The following CNTN4 variants were observed in gnomAD, a reference collection of about 807,000 sequenced individuals.
CNTN4 encodes the protein contactin 4.
A neutral mutation model predicts 122.5 loss-of-function variants in CNTN4; 77 were observed. That is an observed-to-expected ratio of 0.63 (90% CI 0.52 to 0.76). The LOEUF (loss-of-function observed/expected upper bound fraction) is 0.76, where lower values mean the gene tolerates loss of function less well. Among genes scored for constraint, CNTN4 ranks in the 30% least tolerant of loss-of-function variants. The pLI is 0.00. For missense variants in CNTN4, 1,256 were observed against 1,259.1 expected (o/e 1.00, Z 0.04); for synonymous variants, 512 against 447.0 (o/e 1.15, Z -1.83).
intron 4 of CNTN4, among the ~76,000 whole-genome samples, chr3:2,639,081 G>A (rs752337845): frequency 3.9e-5 from 6 of 151,996 alleles, no homozygotes; most frequent in Non-Finnish European, 5.9e-5. Context: ...ACAGCTATCC[G>A]AGTGATTCTT....
rs578085366 is a variant in CNTN4, at chr3:2,551,531, A to G, written c.-88-19885A>G. On this transcript the variant is annotated intron_variant, in intron 3 of 24. Transcript: ENST00000418658. ...TTATGTTAGGATGGGAGTGAATGGA[A>G]TGATTTTCATCACCTTAATACTTTG... Among the ~76,000 whole-genome samples, 425 of 152,276 alleles carry G rather than the reference A, an allele frequency of 2.8e-3. 1 individual carries two copies. Among genetic ancestry groups the G allele is most frequent in the African/African-American group, 9.9e-3 (412 of 41,574 alleles).
At chr3:2,391,812 A>G (rs2046451408) in intron 3 of CNTN4, among the ~76,000 whole-genome samples, 1 of 152,176 alleles carries the variant, frequency 6.6e-6, no homozygotes. Context: ...TACCGTAGCT[A>G]GCTTTTTGAT....
chr3:2,606,241 A>ACTTG (rs1559296388), intron 4 of CNTN4, among the ~76,000 whole-genome samples: 1 of 152,188 alleles, frequency 6.6e-6, no homozygotes, highest in East Asian at 1.9e-4. Context: ...TTCCTTGGCA[A>ACTTG]TAAGAAGTTA....
At chr3:2,586,953 G>C (rs2080231050) in intron 4 of CNTN4, among the ~76,000 whole-genome samples, 1 of 151,934 alleles carries the variant, frequency 6.6e-6, no homozygotes, top group African/African-American at 2.4e-5. Flanking sequence ...TCCCTCCTTT[G>C]ATTTTTCAGT....
intron 4 of CNTN4, among the ~76,000 whole-genome samples, chr3:2,695,187 G>C (rs887722583): frequency 1.4e-4 from 21 of 152,042 alleles, no homozygotes; most frequent in African/African-American, 4.6e-4. Context: ...TTGTATATTT[G>C]GGCCCTTTGA....
At chr3:2,676,794 T>C (rs1191668555) in intron 4 of CNTN4, among the ~76,000 whole-genome samples, 2 of 152,194 alleles carry the variant, frequency 1.3e-5, no homozygotes, top group Non-Finnish European at 2.9e-5. Flanking sequence ...TTCAGAAACA[T>C]ATAAAAAGAC....
intron 6 of CNTN4, among the ~76,000 whole-genome samples, chr3:2,812,411 A>G (rs1221766175): frequency 6.6e-6 from 1 of 151,922 alleles, no homozygotes; most frequent in East Asian, 1.9e-4. Flanking sequence ...TATAGTGCGT[A>G]TATCTTAAAT....
At chr3:2,435,862 G>A (rs1017730951) in intron 3 of CNTN4, among the ~76,000 whole-genome samples, 2 of 152,246 alleles carry the variant, frequency 1.3e-5, no homozygotes, top group Admixed American at 1.3e-4. Flanking sequence ...CCCACAGAAC[G>A]TGGAGCACTA....
intron 2 of CNTN4, among the ~76,000 whole-genome samples, chr3:2,169,536 A>G (rs901798511): frequency 2.1e-5 from 3 of 144,210 alleles, no homozygotes; most frequent in Admixed American, 7.2e-5. Flanking sequence ...CCTCCCGAGT[A>G]GCTGGGACTA....
chr3:2,817,216 G>A (rs186108097), intron 6 of CNTN4, among the ~76,000 whole-genome samples: 10 of 152,160 alleles, frequency 6.6e-5, no homozygotes, highest in Admixed American at 1.3e-4. Flanking sequence ...CACAGCATTC[G>A]CAATGGACAG....
intron 3 of CNTN4, among the ~76,000 whole-genome samples, chr3:2,465,058 A>G (rs2075447108): frequency 6.6e-6 from 1 of 152,258 alleles, no homozygotes; most frequent in Non-Finnish European, 1.5e-5. Context: ...TGATGGTTGC[A>G]CAGCAGTGTG....
At chr3:2,146,485 A>G (rs1377508838) in intron 2 of CNTN4, among the ~76,000 whole-genome samples, 1 of 152,152 alleles carries the variant, frequency 6.6e-6, no homozygotes, top group East Asian at 1.9e-4. Context: ...GTAAATGCAC[A>G]CATATAAACA....
chr3:2,493,992 T>A (rs1446991398), intron 3 of CNTN4, among the ~76,000 whole-genome samples: 2 of 152,160 alleles, frequency 1.3e-5, no homozygotes, highest in Non-Finnish European at 2.9e-5. Flanking sequence ...TTGATGACTA[T>A]AGAACTGTTA....
rs1699351477 is a variant in CNTN4 at position 3,033,466 on chromosome 3, A to ACTT, written c.1784-1164_1784-1162dup. 2.0e-5 allele frequency among the ~76,000 whole-genome samples: 3 copies of ACTT among 152,348 alleles called. No homozygotes were observed. The South Asian group carries it at 6.2e-4, about 32-fold the overall frequency. ...GGAGTGAATCCTAGAACAAAGGCTA[A>ACTT]CTTCAGGAAATTGCTGTTAATTTTG... On this transcript the variant is annotated intron_variant, in intron 16 of 24. Transcript: ENST00000418658.
At position 2,813,934 on chromosome 3, in the gene CNTN4, G is replaced by T. The variant is rs184255806; in HGVS notation, c.359-5552G>T. On this transcript the variant is annotated intron_variant, in intron 6 of 24. Coordinates refer to ENST00000418658, the MANE Select transcript of CNTN4 (RefSeq NM_175607.3). ...TTGCAGCTTTAAGGCTTTTGTACAC[G>T]TCCACTCCTCCAGGAATGTAACTGC... Among the ~76,000 whole-genome samples, 4 of 152,088 alleles carry T rather than the reference G, an allele frequency of 2.6e-5. No homozygotes were observed. In the East Asian group the frequency reaches 5.8e-4, roughly 22 times the overall value.
chr3:2,396,929 A>G (rs760884882), intron 3 of CNTN4, among the ~76,000 whole-genome samples: 4 of 152,210 alleles, frequency 2.6e-5, no homozygotes, highest in Non-Finnish European at 5.9e-5. Context: ...ATTCAACCCA[A>G]CAAACTTCTG....
intron 2 of CNTN4, among the ~76,000 whole-genome samples, chr3:2,274,224 A>C (rs1272510144): frequency 6.6e-6 from 1 of 152,112 alleles, no homozygotes; most frequent in Non-Finnish European, 1.5e-5. Context: ...CTCTACTAAA[A>C]ATAAAAAAAT....
intron 13 of CNTN4, among the ~76,000 whole-genome samples, chr3:2,934,942 T>C (rs1397575809): frequency 6.6e-6 from 1 of 152,064 alleles, no homozygotes; most frequent in Non-Finnish European, 1.5e-5. Flanking sequence ...CTAGAACTTC[T>C]TGCCGTTACT....
chr3:2,317,110 T>G (rs902835956), intron 2 of CNTN4, among the ~76,000 whole-genome samples: 3 of 152,234 alleles, frequency 2.0e-5, no homozygotes, highest in African/African-American at 7.2e-5. Context: ...CTACCTATTT[T>G]GTTAGCATAA....
Sources: allele counts gnomAD v4.1 joint callset (sites outside exome capture counted in the v4.1 genomes callset), GRCh38; gene constraint gnomAD v4.1.1; transcripts MANE v1.5; gene names NCBI Gene and HGNC (gene_info 2026-07-23, HGNC 2026-07-21).